Variants in MYOM1 observed in about 807,000 individuals in gnomAD.
The protein encoded by MYOM1 is myomesin 1, also known as myomesin-1.
A neutral mutation model predicts 205.3 loss-of-function variants in MYOM1; 164 were observed. The observed-to-expected ratio is 0.80, with a 90% CI of 0.70 to 0.91. The LOEUF (loss-of-function observed/expected upper bound fraction) is 0.91, where lower values mean the gene tolerates loss of function less well. Among genes scored for constraint, MYOM1 ranks in the 40% least tolerant of loss-of-function variants. The pLI, the probability that MYOM1 is intolerant of heterozygous loss-of-function variation, is 0.00. For missense variants in MYOM1, 2,011 were observed against 2,127.3 expected (o/e 0.95, Z 1.08); for synonymous variants, 772 against 789.4 (o/e 0.98, Z 0.37).
In MYOM1 at chr18:3,152,881, C is replaced by A. The variant is rs1471655366; in HGVS notation, c.1644-988G>T. On this transcript the variant is annotated intron_variant, in intron 11 of 37. Transcript: ENST00000356443. The surrounding 1 kb of genome is among the most constrained non-coding windows in gnomAD (Gnocchi z 4.3). The stretch of plus-strand genomic sequence containing the variant: ...TCCTCTCTTTGATATGGACAATAGA[C>A]AATTTCCTTATGTAAAGTGGAATAG... 6.6e-6 allele frequency among the ~76,000 whole-genome samples: 1 copy of A among 152,160 alleles called. No homozygotes were observed. Among genetic ancestry groups the A allele is most frequent in the Non-Finnish European group, 1.5e-5 (1 of 68,036 alleles).
At chr18:3,130,381 C>T (rs1172090335) in intron 17 of MYOM1, among the ~76,000 whole-genome samples, 3 of 152,082 alleles carry the variant, frequency 2.0e-5, no homozygotes, top group Non-Finnish European at 4.4e-5. Context: ...ATATGAGATG[C>T]TAACTGAAGA....
Position 3,193,332 on chromosome 18 carries a change from A to ATATATACACATATACATATG in MYOM1, c.431+485_431+486insCATATGTATATGTGTATATA, listed in dbSNP as rs1555629148. On this transcript the variant is annotated intron_variant, in intron 3 of 37. Coordinates refer to ENST00000356443, the MANE Select transcript of MYOM1 (RefSeq NM_003803.4). Reference sequence around the variant, plus strand: ...TATATATGTATATGTACATATACATATATATGTACATATACATATATATAT... The same window carrying ATATATACACATATACATATG: ...TATATATGTATATGTACATATACATATATATACACATATACATATGTATATGTACATATACATATATATAT... Among the ~76,000 whole-genome samples the ATATATACACATATACATATG allele has an allele frequency of 2.4e-4, 35 of 144,260 alleles. 1 individual carries two copies. Among genetic ancestry groups the ATATATACACATATACATATG allele is most frequent in the African/African-American group, 7.9e-4 (30 of 38,190 alleles). The allele number at this position is 144,260 out of a possible 152,430, so 94.6% of individuals were successfully genotyped here.
At chr18:3,245,285 G>A in the MYOM1 span, among the ~76,000 whole-genome samples, 2 of 152,076 alleles carry the variant, frequency 1.3e-5, no homozygotes, top group African/African-American at 4.8e-5. Flanking sequence ...GATTGAGGGA[G>A]GATGGCTTGA....
intron 36 of MYOM1, among the ~76,000 whole-genome samples, chr18:3,074,792 C>T (rs2079001868): frequency 1.3e-5 from 2 of 152,066 alleles, no homozygotes; most frequent in Admixed American, 6.6e-5. Context: ...TTACAGTTTT[C>T]TATTTTCTTT....
At chr18:3,094,380 A>C in intron 25 of MYOM1, 74 bp from the exon 26 acceptor site, 40 of 59,858 alleles carry the variant, frequency 6.7e-4, no homozygotes, top group Admixed American at 2.6e-3. Context: ...CCATCAAGTG[A>C]AAAAAAAAAA....
In MYOM1 at chr18:3,136,152, C is replaced by A. The variant is rs528957830; in HGVS notation, c.2026-422G>T. On this transcript the variant is annotated intron_variant, in intron 14 of 37. Transcript: ENST00000356443. ...CTTGCCTGCCACCGTGTAAGACGTG[C>A]CTTTCGCCTTCCACCATGATTGTGA... Among the ~76,000 whole-genome samples, 191 of 152,152 alleles carry A rather than the reference C, an allele frequency of 1.3e-3. 2 individuals are homozygous for A. The South Asian group carries it at 0.015, about 12-fold the overall frequency.
In MYOM1 at chr18:3,112,391, C is replaced by T. The variant is rs377448983; in HGVS notation, c.3325G>A (p.Val1109Ile). The T allele has an allele frequency of 1.4e-4, 219 of 1,607,740 alleles. No individual in the cohort carries two copies. The highest frequency in any genetic ancestry group is 1.8e-4 in the Non-Finnish European group (212 of 1,175,672). ...YLKVRGLKEG[V>I]SYVFRVRAIN... The stretch of plus-strand genomic sequence containing the variant: ...GCTCGAACACGGAACACGTAGCTGA[C>T]GCCCTCCTTGAGGCCTCGAACCTGG... The change falls in exon 22 of 38, where the codon GTC (valine) becomes ATC (isoleucine). Residue 1109 changes from valine to isoleucine, a missense_variant. By Grantham distance (29) the Val-to-Ile change is conservative. Transcript: ENST00000356443.
At chr18:3,195,994 G>A (rs983076940) in intron 2 of MYOM1, among the ~76,000 whole-genome samples, 1 of 152,048 alleles carries the variant, frequency 6.6e-6, no homozygotes, top group African/African-American at 2.4e-5. Flanking sequence ...GATGTTATGT[G>A]TTATATAGTA....
At chr18:3,165,817 C>T (rs2080459767) in intron 9 of MYOM1, among the ~76,000 whole-genome samples, 1 of 152,154 alleles carries the variant, frequency 6.6e-6, no homozygotes, top group Admixed American at 6.5e-5. Flanking sequence ...GCCATGGGAC[C>T]CATCACCACT....
In MYOM1 at chr18:3,127,941, T is replaced by C. The variant is rs552476126; in HGVS notation, c.2795-1044A>G. Among the ~76,000 whole-genome samples, 6 of 152,338 alleles carry C rather than the reference T, an allele frequency of 3.9e-5. No individual in the cohort carries two copies. In the South Asian group the frequency reaches 1.2e-3, roughly 32 times the overall value. ...TATTTCAAAAGTCCTCCTTCATTTA[T>C]GTGGCTTTGCTGATCAGCTTTTCAC... is the stretch of plus-strand genomic sequence containing the variant. On this transcript the variant is annotated intron_variant, in intron 18 of 37. Coordinates refer to ENST00000356443, the MANE Select transcript of MYOM1 (RefSeq NM_003803.4).
intron 2 of MYOM1, among the ~76,000 whole-genome samples, chr18:3,207,988 T>A (rs72861650): frequency 0.16 from 23,859 of 152,134 alleles, 1,900 homozygotes; most frequent in East Asian, 0.22. Context: ...AGTCTACACA[T>A]CTATGAAAGG....
chr18:3,230,264 C>G, the MYOM1 span, among the ~76,000 whole-genome samples: 1 of 152,028 alleles, frequency 6.6e-6, no homozygotes, highest in Non-Finnish European at 1.5e-5. Flanking sequence ...TTATTATTCC[C>G]AAGCTAAAAT....
intron 19 of MYOM1, 61 bp downstream of exon 19, chr18:3,126,640 G>C: frequency 6.8e-7 from 1 of 1,477,284 alleles, no homozygotes; most frequent in Admixed American, 2.0e-5. Context: ...GTGCCTGCCT[G>C]GGCGTGCAAG....
the MYOM1 span, among the ~76,000 whole-genome samples, chr18:3,227,390 C>T: frequency 1.3e-5 from 2 of 151,988 alleles, no homozygotes; most frequent in African/African-American, 4.8e-5. Context: ...GTGTATGATT[C>T]CACTTATATG....
At chr18:3,121,136 T>C (rs1309682991) in intron 19 of MYOM1, among the ~76,000 whole-genome samples, 3 of 151,862 alleles carry the variant, frequency 2.0e-5, no homozygotes, top group East Asian at 1.9e-4. Flanking sequence ...ACATGGAAGA[T>C]AGAATGAGAA....
chr18:3,078,973 CTTTT>C (rs11408756), intron 34 of MYOM1, among the ~76,000 whole-genome samples: 1 of 105,892 alleles, frequency 9.4e-6, no homozygotes. Context: ...TACCCAGCTA[CTTTT>C]TTTTTTTTTT....
At chr18:3,071,997 T>G (rs957869731) in intron 36 of MYOM1, 108 bp from the exon 37 acceptor site, 1 of 934,698 alleles carries the variant, frequency 1.1e-6, no homozygotes, top group Non-Finnish European at 1.7e-6. Context: ...CTTCTCCTGA[T>G]AGTTCTTTTA....
chr18:3,138,521 C>T (rs1304390958), intron 14 of MYOM1, among the ~76,000 whole-genome samples: 1 of 152,136 alleles, frequency 6.6e-6, no homozygotes, highest in African/African-American at 2.4e-5. Flanking sequence ...ACAAGGTAAC[C>T]TCTAAAGTTC....
chr18:3,216,449 G>T (rs1399788752), intron 1 of MYOM1, among the ~76,000 whole-genome samples: 1 of 152,190 alleles, frequency 6.6e-6, no homozygotes, highest in Non-Finnish European at 1.5e-5. Context: ...AGGTAAGAGG[G>T]ATGGATGCAA....
Sources: gnomAD v4.1 joint callset for allele counts (sites outside exome capture counted in the v4.1 genomes callset) on GRCh38, gnomAD v4.1.1 for gene constraint, Gnocchi (gnomAD v3.1) non-coding constraint, MANE v1.5 for transcripts, NCBI Gene and HGNC (gene_info 2026-07-23, HGNC 2026-07-21) for gene names.